Variants in ISG15 observed in about 807,000 individuals in gnomAD.
ISG15 encodes ISG15 ubiquitin like modifier.
In ISG15, 2 loss-of-function variants were observed where a neutral mutation model predicts 2.4. That is an observed-to-expected ratio of 0.82 (90% CI 0.33 to 2.57). The LOEUF (loss-of-function observed/expected upper bound fraction) is 2.57, where lower values mean the gene tolerates loss of function less well. Among genes scored for constraint, ISG15 ranks in the 30% most tolerant of loss-of-function variants. The pLI is 0.11. For missense variants in ISG15, 224 were observed against 228.4 expected (o/e 0.98, Z 0.13); for synonymous variants, 116 against 108.1 (o/e 1.07, Z -0.45).
At position 1,013,583 on chromosome 1, in the gene ISG15, C is replaced by T. The variant is rs368064912; in HGVS notation, c.3+7C>T. ...CCCACAGCCCACAGCCATGGTAAGG[C>T]AGATGTCACAGGTGGGGGGAGGTGG... On this transcript the variant is annotated splice_region_variant and intron_variant, in intron 1 of 1. Transcript: ENST00000649529. 1 of 1,613,462 alleles carries T rather than the reference C, an allele frequency of 6.2e-7. No homozygotes were observed. The highest frequency in any genetic ancestry group is 8.5e-7 in the Non-Finnish European group (1 of 1,179,822).
rs751272366 is a variant in ISG15, at chr1:1,014,382, G to A, written c.402G>A (p.Gln134=). ...TCGAGGGGAAGCCCCTGGAGGACCA[G>A]CTCCCGCTGGGGGAGTACGGCCTCA... ...LTFEGKPLED[Q]LPLGEYGLKP... is the part of the protein sequence containing the mutation. Residue 134 remains glutamine, a synonymous_variant, in exon 2 of 2, where the codon CAG becomes CAA. Coordinates refer to ENST00000649529, the MANE Select transcript of ISG15 (RefSeq NM_005101.4). 1.9e-6 allele frequency: 3 copies of A among 1,613,270 alleles called. No individual in the cohort carries two copies.
Position 1,013,880 on chromosome 1 carries a change from G to A in ISG15, c.4-104G>A. 2.8e-6 allele frequency: 4 copies of A among 1,421,982 alleles called. No individual in the cohort carries two copies. In the South Asian group the frequency reaches 5.5e-5, roughly 19 times the overall value. The allele number at this position is 1,421,982 out of a possible 1,614,324, so 88.1% of individuals were successfully genotyped here. A position where few individuals can be genotyped will look rare whatever the true frequency, so the allele number is the denominator to read the frequency against. ...GCGGGATGTAGAGGACAGACAGGAG[G>A]GAGCACTGTCCCTGGGTACAGGAGC... On this transcript the variant is annotated intron_variant, in intron 1 of 1. Coordinates refer to ENST00000649529, the MANE Select transcript of ISG15 (RefSeq NM_005101.4).
Position 1,014,299 on chromosome 1 carries a change from C to T in ISG15, c.319C>T (p.Leu107=). 2 of 1,613,716 alleles carry T rather than the reference C, an allele frequency of 1.2e-6. No individual in the cohort carries two copies. Among genetic ancestry groups the T allele is most frequent in the Non-Finnish European group, 1.7e-6 (2 of 1,180,010 alleles). ...EVRLTQTVAH[L]KQQVSGLEGV... ...ACGGCTGACGCAGACCGTGGCCCAC[C>T]TGAAGCAGCAAGTGAGCGGGCTGGA... The change falls in exon 2 of 2, where the codon CTG becomes TTG. Residue 107 remains leucine, a synonymous_variant. Coordinates refer to ENST00000649529, the MANE Select transcript of ISG15 (RefSeq NM_005101.4).
At position 1,014,081 on chromosome 1, in the gene ISG15, A is replaced by G. The variant is rs375520098; in HGVS notation, c.101A>G (p.Gln34Arg). 1.2e-5 allele frequency: 20 copies of G among 1,613,112 alleles called. No homozygotes were observed. The highest frequency in any genetic ancestry group is 1.5e-5 in the Non-Finnish European group (18 of 1,179,696). Reference sequence around the variant, plus strand: ...TCAGAGCTGAAGGCGCAGATCACCCAGAAGATCGGCGTGCACGCCTTCCAG... The same window carrying G: ...TCAGAGCTGAAGGCGCAGATCACCCGGAAGATCGGCGTGCACGCCTTCCAG... ...SVSELKAQIT[Q>R]KIGVHAFQQR... The change falls in exon 2 of 2, where the codon CAG becomes CGG. Residue 34 changes from glutamine to arginine, a missense_variant. Transcript: ENST00000649529.
chr1:1,014,125 C>T lies in ISG15; in HGVS notation c.145C>T (p.Pro49Ser), dbSNP rs1295556116. The T allele has an allele frequency of 6.2e-7, 1 of 1,613,222 alleles. No homozygotes were observed. The highest frequency in any genetic ancestry group is 8.5e-7 in the Non-Finnish European group (1 of 1,179,746). ...CTTCCAGCAGCGTCTGGCTGTCCAC[C>T]CGAGCGGTGTGGCGCTGCAGGACAG... is the stretch of plus-strand genomic sequence containing the variant. ...HAFQQRLAVH[P>S]SGVALQDRVP... Residue 49 changes from proline to serine, a missense_variant, in exon 2 of 2, where the codon CCG (proline) becomes TCG (serine). Coordinates refer to ENST00000649529, the MANE Select transcript of ISG15 (RefSeq NM_005101.4).
intron 1 of ISG15, among the ~76,000 whole-genome samples, 185 bp from the exon 2 acceptor site, chr1:1,013,799 C>T (rs908989645): frequency 1.2e-4 from 19 of 152,318 alleles, no homozygotes; most frequent in African/African-American, 4.6e-4. Context: ...TGGCGGTGGG[C>T]AGCTGGCCTT....
In ISG15 at chr1:1,014,475, C is replaced by T; in HGVS notation, c.495C>T (p.Ser165=). Residue 165 remains serine, a synonymous_variant, in exon 2 of 2, where the codon AGC becomes AGT. Transcript: ENST00000649529. ...RGGGTEPGGR[S] is the part of the protein sequence containing the mutation. ...GCGGCACAGAGCCTGGCGGGCGGAG[C>T]TAAGGGCCTCCACCAGCATCCGAGC... 6.3e-7 allele frequency: 1 copy of T among 1,599,824 alleles called. No homozygotes were observed. Among genetic ancestry groups the T allele is most frequent in the Non-Finnish European group, 8.5e-7 (1 of 1,171,132 alleles).
In ISG15 at chr1:1,013,596, T is replaced by C. The variant is rs1204164868; in HGVS notation, c.3+20T>C. ...GCCATGGTAAGGCAGATGTCACAGG[T>C]GGGGGGAGGTGGGCTCTGTGCCAGC... On this transcript the variant is annotated intron_variant, in intron 1 of 1. Coordinates refer to ENST00000649529, the MANE Select transcript of ISG15 (RefSeq NM_005101.4). 1 of 1,612,174 alleles carries C rather than the reference T, an allele frequency of 6.2e-7. No individual in the cohort carries two copies. Among genetic ancestry groups the C allele is most frequent in the Non-Finnish European group, 8.5e-7 (1 of 1,179,374 alleles).
chr1:1,013,872 G>GACAGGAGGGAGCACTGTCCCTGGGT, intron 1 of ISG15, 112 bp from the exon 2 acceptor site: 1 of 1,405,388 alleles, frequency 7.1e-7, no homozygotes, highest in Non-Finnish European at 9.6e-7. Context: ...GTAGAGGACA[G>GACAGGAGGGAGCACTGTCCCTGGGT]ACAGGAGGGA....
intron 1 of ISG15, 59 bp from the exon 2 acceptor site, chr1:1,013,925 T>C (rs1644246594): frequency 6.5e-7 from 1 of 1,539,278 alleles, no homozygotes; most frequent in African/African-American, 1.4e-5. Context: ...AGCCAGTGCC[T>C]TGTGTGTGGT....
rs1442028096 is a variant in ISG15, at chr1:1,013,980, G to A, written c.4-4G>A. The stretch of plus-strand genomic sequence containing the variant: ...CAGTCTCTGAACCTGTGTGACGCCT[G>A]CAGGGCTGGGACCTGACGGTGAAGA... On this transcript the variant is annotated splice_polypyrimidine_tract_variant and splice_region_variant and intron_variant, in intron 1 of 1. Coordinates refer to ENST00000649529, the MANE Select transcript of ISG15 (RefSeq NM_005101.4). 1.3e-6 allele frequency: 2 copies of A among 1,590,324 alleles called. No homozygotes were observed. The highest frequency in any genetic ancestry group is 8.6e-7 in the Non-Finnish European group (1 of 1,164,530).
rs766010530 is a variant in ISG15, at chr1:1,014,127, G to A, written c.147G>A (p.Pro49=). 17 of 1,613,062 alleles carry A rather than the reference G, an allele frequency of 1.1e-5. No homozygotes were observed. The African/African-American group carries it at 1.3e-4, about 13-fold the overall frequency. ...TCCAGCAGCGTCTGGCTGTCCACCC[G>A]AGCGGTGTGGCGCTGCAGGACAGGG... ...HAFQQRLAVH[P]SGVALQDRVP... The change falls in exon 2 of 2, where the codon CCG becomes CCA. Residue 49 remains proline, a synonymous_variant. Transcript: ENST00000649529.
In ISG15 at chr1:1,014,500, C is replaced by T. The variant is rs1197546540; in HGVS notation, c.*22C>T. ...CTAAGGGCCTCCACCAGCATCCGAGCAGGATCAAGGGCCGGAAATAAAGGC... is the reference window on the plus strand; with the variant it reads ...CTAAGGGCCTCCACCAGCATCCGAGTAGGATCAAGGGCCGGAAATAAAGGC... On this transcript the variant is annotated 3_prime_UTR_variant, in exon 2 of 2. Coordinates refer to ENST00000649529, the MANE Select transcript of ISG15 (RefSeq NM_005101.4). 1.3e-6 allele frequency: 2 copies of T among 1,582,880 alleles called. No homozygotes were observed. Among genetic ancestry groups the T allele is most frequent in the African/African-American group, 1.3e-5 (1 of 74,194 alleles).
chr1:1,014,011 G>C lies in ISG15; in HGVS notation c.31G>C (p.Ala11Pro). MGWDLTVKML[A>P]GNEFQVSLSS... ...CTGGGACCTGACGGTGAAGATGCTG[G>C]CGGGCAACGAATTCCAGGTGTCCCT... Residue 11 changes from alanine (A) to proline (P), a missense_variant, in exon 2 of 2, where the codon GCG becomes CCG. By Grantham distance (27) the Ala-to-Pro change is conservative. Coordinates refer to ENST00000649529, the MANE Select transcript of ISG15 (RefSeq NM_005101.4). 1 of 1,603,108 alleles carries C rather than the reference G, an allele frequency of 6.2e-7. No individual in the cohort carries two copies.
Position 1,014,288 on chromosome 1 carries a change from C to T in ISG15, c.308C>T (p.Thr103Ile). 1 of 1,613,614 alleles carries T rather than the reference C, an allele frequency of 6.2e-7. No homozygotes were observed. Among genetic ancestry groups the T allele is most frequent in the Admixed American group, 1.7e-5 (1 of 60,034 alleles). The change falls in exon 2 of 2, where the codon ACC becomes ATC. Residue 103 changes from threonine (T) to isoleucine (I), a missense_variant. Coordinates refer to ENST00000649529, the MANE Select transcript of ISG15 (RefSeq NM_005101.4). ...ACCTACGAGGTACGGCTGACGCAGA[C>T]CGTGGCCCACCTGAAGCAGCAAGTG... is the stretch of plus-strand genomic sequence containing the variant. ...SSTYEVRLTQ[T>I]VAHLKQQVSG...
rs772925815 is a variant in ISG15 at position 1,014,299 on chromosome 1, C to G, written c.319C>G (p.Leu107Val). Residue 107 changes from leucine (L) to valine (V), a missense_variant, in exon 2 of 2, where the codon CTG becomes GTG. Transcript: ENST00000649529. Reference protein sequence around the residue: ...EVRLTQTVAHLKQQVSGLEGV... With the variant: ...EVRLTQTVAHVKQQVSGLEGV... ...ACGGCTGACGCAGACCGTGGCCCAC[C>G]TGAAGCAGCAAGTGAGCGGGCTGGA... The G allele has an allele frequency of 6.5e-5, 105 of 1,613,598 alleles. No individual in the cohort carries two copies. Among genetic ancestry groups the G allele is most frequent in the Non-Finnish European group, 8.4e-5 (99 of 1,180,018 alleles).
chr1:1,014,327 G>A lies in ISG15; in HGVS notation c.347G>A (p.Gly116Asp), dbSNP rs745347132. The change falls in exon 2 of 2, where the codon GGT becomes GAT. Residue 116 changes from glycine to aspartate, a missense_variant. Gly to Asp is a moderately conservative substitution (Grantham distance 94). Coordinates refer to ENST00000649529, the MANE Select transcript of ISG15 (RefSeq NM_005101.4). ...AAGCAGCAAGTGAGCGGGCTGGAGG[G>A]TGTGCAGGACGACCTGTTCTGGCTG... The part of the protein sequence containing the change: ...HLKQQVSGLE[G>D]VQDDLFWLTF... 3 of 1,613,616 alleles carry A rather than the reference G, an allele frequency of 1.9e-6. No individual in the cohort carries two copies. Among genetic ancestry groups the A allele is most frequent in the African/African-American group, 1.3e-5 (1 of 74,948 alleles).
chr1:1,014,161 G>T lies in ISG15; in HGVS notation c.181G>T (p.Ala61Ser). The change falls in exon 2 of 2, where the codon GCC (alanine) becomes TCC (serine). Residue 61 changes from alanine to serine, a missense_variant. Physicochemically the swap from Ala to Ser is moderately conservative, Grantham distance 99. Transcript: ENST00000649529. ...GVALQDRVPL[A>S]SQGLGPGSTV... ...GGCGCTGCAGGACAGGGTCCCCCTT[G>T]CCAGCCAGGGCCTGGGCCCCGGCAG... 1 of 1,612,534 alleles carries T rather than the reference G, an allele frequency of 6.2e-7. No individual in the cohort carries two copies. The highest frequency in any genetic ancestry group is 8.5e-7 in the Non-Finnish European group (1 of 1,179,214).
rs1553169705 is a variant in ISG15 at position 1,013,549 on chromosome 1, G to GGCCCAGA, written c.-20_-19insGAGCCCA. Reference sequence around the variant, plus strand: ...TTGCCAGTACAGGAGCTTGTGCCGTGGCCCACAGCCCACAGCCCACAGCCA... The same window carrying GGCCCAGA: ...TTGCCAGTACAGGAGCTTGTGCCGTGGCCCAGAGCCCACAGCCCACAGCCCACAGCCA... On this transcript the variant is annotated 5_prime_UTR_variant, in exon 1 of 2. Coordinates refer to ENST00000649529, the MANE Select transcript of ISG15 (RefSeq NM_005101.4). The GGCCCAGA allele has an allele frequency of 2.7e-5, 44 of 1,612,510 alleles. No individual in the cohort carries two copies. Among genetic ancestry groups the GGCCCAGA allele is most frequent in the Admixed American group, 5.0e-5 (3 of 59,996 alleles).
Sources: allele counts gnomAD v4.1 joint callset (sites outside exome capture counted in the v4.1 genomes callset), GRCh38; gene constraint gnomAD v4.1.1; transcripts MANE v1.5; gene names NCBI Gene and HGNC (gene_info 2026-07-23, HGNC 2026-07-21).